The following EPM2AIP1 variants were observed in gnomAD, a reference collection of about 807,000 sequenced individuals.
The protein encoded by EPM2AIP1 is EPM2A interacting protein 1.
A neutral mutation model predicts 44.8 loss-of-function variants in EPM2AIP1; 23 were observed. The ratio of observed to expected loss-of-function variants is 0.51; its 90% CI spans 0.37 to 0.73. The LOEUF is 0.73. Among genes scored for constraint, EPM2AIP1 ranks in the 30% least tolerant of loss-of-function variants. The probability of loss-of-function intolerance (pLI) is 0.00; values close to 1 mark genes in which losing one functional copy is unlikely to be tolerated. For synonymous variants in EPM2AIP1, 311 were observed against 284.3 expected, an observed-to-expected ratio of 1.09 and a Z score of -0.94; for missense variants, 652 against 743.9, an observed-to-expected ratio of 0.88 and a Z score of 1.44.
rs1302548010 is a variant in EPM2AIP1, at chr3:36,991,355, A to T, written c.1723T>A (p.Leu575Ile). 5 of 1,614,042 alleles carry T rather than the reference A, an allele frequency of 3.1e-6. No individual in the cohort carries two copies. The South Asian group carries it at 5.5e-5, about 18-fold the overall frequency. Residue 575 changes from leucine to isoleucine, a missense_variant, in exon 1 of 1, where the codon TTA (leucine) becomes ATA (isoleucine). Physicochemically the swap from Leu to Ile is conservative, Grantham distance 5. Coordinates refer to ENST00000322716, the MANE Select transcript of EPM2AIP1 (RefSeq NM_014805.4). The part of the protein sequence containing the change: ...TRNQHTLSQP[L>I]TDEHLQALFR... ...AGGGCTTGGAGATGCTCATCTGTTA[A>T]TGGCTGACTCAAAGTGTGTTGGTTT...
Position 36,991,391 on chromosome 3 carries a change from A to G in EPM2AIP1, c.1687T>C (p.Tyr563His). ...SNQICEKAFSYLTRNQHTLSQ... is the reference protein window; with the variant it reads ...SNQICEKAFSHLTRNQHTLSQ... ...AAAGTGTGTTGGTTTCGAGTCAAAT[A>G]TGAAAAAGCCTTTTCACAGATTTGG... The change falls in exon 1 of 1, where the codon TAT (tyrosine) becomes CAT (histidine). Residue 563 changes from tyrosine to histidine, a missense_variant. Tyr to His is a moderately conservative substitution (Grantham distance 83). Coordinates refer to ENST00000322716, the MANE Select transcript of EPM2AIP1 (RefSeq NM_014805.4). The G allele has an allele frequency of 1.9e-6, 3 of 1,614,012 alleles. No individual in the cohort carries two copies. Among genetic ancestry groups the G allele is most frequent in the Non-Finnish European group, 2.5e-6 (3 of 1,179,888 alleles).
rs1229404994 is a variant in EPM2AIP1 at position 36,988,155 on chromosome 3, A to C, written c.*3099T>G. The C allele has an allele frequency of 1.3e-5, 2 of 152,242 alleles. No individual in the cohort carries two copies. The highest frequency in any genetic ancestry group is 1.9e-4 in the East Asian group (1 of 5,198). 9.4% of individuals were successfully genotyped at this position (152,242 alleles called of 1,614,324 possible). A position where few individuals can be genotyped will look rare whatever the true frequency, so the allele number is the denominator to read the frequency against. On this transcript the variant is annotated 3_prime_UTR_variant, in exon 1 of 1. Transcript: ENST00000322716. ...AAATTTGTATTGTACCCTAAGAGCA[A>C]TGGTGAAAGCAATGCAGTGACATGA...
At position 36,992,360 on chromosome 3, in the gene EPM2AIP1, T is replaced by C. The variant is rs772197261; in HGVS notation, c.718A>G (p.Arg240Gly). ...TGGGTCGTGGTCAGTCCAACCATTC[T>C]CTGCAAGCTAAGCCCTGCTGTCTGC... ...SLQTAGLSLQ[R>G]MVGLTTTHTL... is the part of the protein sequence containing the mutation. The change falls in exon 1 of 1, where the codon AGA becomes GGA. Residue 240 changes from arginine (R) to glycine (G), a missense_variant. Transcript: ENST00000322716. The surrounding 1 kb of genome is among the most constrained non-coding windows in gnomAD (Gnocchi z 5.3). 6.2e-6 allele frequency: 10 copies of C among 1,613,980 alleles called. No homozygotes were observed. Among genetic ancestry groups the C allele is most frequent in the Non-Finnish European group, 8.5e-6 (10 of 1,179,892 alleles).
chr3:36,992,179 G>A lies in EPM2AIP1; in HGVS notation c.899C>T (p.Thr300Ile). The A allele has an allele frequency of 6.2e-7, 1 of 1,613,946 alleles. No individual in the cohort carries two copies. Among genetic ancestry groups the A allele is most frequent in the Non-Finnish European group, 8.5e-7 (1 of 1,179,856 alleles). The change falls in exon 1 of 1, where the codon ACC (threonine) becomes ATC (isoleucine). Residue 300 changes from threonine (T) to isoleucine (I), a missense_variant. By Grantham distance (89) the Thr-to-Ile change is moderately conservative. Transcript: ENST00000322716. The surrounding 1 kb of genome is among the most constrained non-coding windows in gnomAD (Gnocchi z 5.3). ...AATCAAAACTATCCATTCGGATATG[G>A]TATTTATGATCTGATTAACATCTAC... ...YDVDVNQIIN[T>I]ISEWIVLIKT...
In EPM2AIP1 at chr3:36,992,547, A is replaced by G; in HGVS notation, c.531T>C (p.Leu177=). 1 of 1,614,038 alleles carries G rather than the reference A, an allele frequency of 6.2e-7. No individual in the cohort carries two copies. The highest frequency in any genetic ancestry group is 8.5e-7 in the Non-Finnish European group (1 of 1,179,894). The stretch of plus-strand genomic sequence containing the variant: ...CCACAAAAGCCTGGTCGTCCAAGGC[A>G]AGAGAATAGGCTTTAAAGTCCCTGG... ...NRARDFKAYS[L]ALDDQAFVAY... Residue 177 remains leucine (L), a synonymous_variant, in exon 1 of 1, where the codon CTT becomes CTC. Coordinates refer to ENST00000322716, the MANE Select transcript of EPM2AIP1 (RefSeq NM_014805.4). This position sits in a 1 kb window ranked among gnomAD's most constrained non-coding sequence, Gnocchi z 5.3.
chr3:36,985,555 C>A lies in EPM2AIP1; in HGVS notation c.*5699G>T, dbSNP rs1282108257. 2 of 152,228 alleles carry A rather than the reference C, an allele frequency of 1.3e-5. No individual in the cohort carries two copies. The highest frequency in any genetic ancestry group is 2.9e-5 in the Non-Finnish European group (2 of 68,042). The allele number at this position is 152,228 out of a possible 1,614,324, so 9.4% of individuals were successfully genotyped here. A position where few individuals can be genotyped will look rare whatever the true frequency, so the allele number is the denominator to read the frequency against. On this transcript the variant is annotated 3_prime_UTR_variant, in exon 1 of 1. Transcript: ENST00000322716. ...CTCCCAGGTATATGCAAGGATCACA[C>A]TCCTCCTAGAACTTTAATGTGGCTA...
rs2125687306 is a variant in EPM2AIP1, at chr3:36,987,464, A to G, written c.*3790T>C. ...AAAAAAATATATATATATATATGAC[A>G]CTGTTTACAAAGGGTAAAAAAAAAT... On this transcript the variant is annotated 3_prime_UTR_variant, in exon 1 of 1. Coordinates refer to ENST00000322716, the MANE Select transcript of EPM2AIP1 (RefSeq NM_014805.4). 1 of 147,754 alleles carries G rather than the reference A, an allele frequency of 6.8e-6. No homozygotes were observed. The highest frequency in any genetic ancestry group is 2.5e-5 in the African/African-American group (1 of 40,670). 9.2% of individuals were successfully genotyped at this position (147,754 alleles called of 1,614,324 possible). A position where few individuals can be genotyped will look rare whatever the true frequency, so the allele number is the denominator to read the frequency against.
rs2080778173 is a variant in EPM2AIP1, at chr3:36,987,717, A to C, written c.*3537T>G. 6.6e-6 allele frequency: 1 copy of C among 152,196 alleles called. No individual in the cohort carries two copies. Among genetic ancestry groups the C allele is most frequent in the African/African-American group, 2.4e-5 (1 of 41,458 alleles). 9.4% of individuals were successfully genotyped at this position (152,196 alleles called of 1,614,324 possible). A position where few individuals can be genotyped will look rare whatever the true frequency, so the allele number is the denominator to read the frequency against. Reference sequence around the variant, plus strand: ...TACACTAAATTCTGAGAATACAACGAGGTCCCTAGTTACAAAGAACTTGTC... The same window carrying C: ...TACACTAAATTCTGAGAATACAACGCGGTCCCTAGTTACAAAGAACTTGTC... On this transcript the variant is annotated 3_prime_UTR_variant, in exon 1 of 1. Transcript: ENST00000322716.
rs1186813443 is a variant in EPM2AIP1, at chr3:36,987,834, A to G, written c.*3420T>C. 1 of 152,262 alleles carries G rather than the reference A, an allele frequency of 6.6e-6. No individual in the cohort carries two copies. The highest frequency in any genetic ancestry group is 1.5e-5 in the Non-Finnish European group (1 of 68,040). 9.4% of individuals were successfully genotyped at this position (152,262 alleles called of 1,614,324 possible). On this transcript the variant is annotated 3_prime_UTR_variant, in exon 1 of 1. Transcript: ENST00000322716. ...TGAAGGTCAAATAAGACTGTGAAAG[A>G]GCTTCAAAAATTGTAAAACACTACA...
At position 36,987,041 on chromosome 3, in the gene EPM2AIP1, G is replaced by A. The variant is rs2080773413; in HGVS notation, c.*4213C>T. 1 of 152,530 alleles carries A rather than the reference G, an allele frequency of 6.6e-6. No individual in the cohort carries two copies. Among genetic ancestry groups the A allele is most frequent in the African/African-American group, 2.4e-5 (1 of 41,434 alleles). The allele number at this position is 152,530 out of a possible 1,614,324, so 9.4% of individuals were successfully genotyped here. On this transcript the variant is annotated 3_prime_UTR_variant, in exon 1 of 1. Transcript: ENST00000322716. Reference sequence around the variant, plus strand: ...AGAGGCATGGGAACAAGAAGGCAAAGGAATACAGCAAACTTTAGAAGTATA... The same window carrying A: ...AGAGGCATGGGAACAAGAAGGCAAAAGAATACAGCAAACTTTAGAAGTATA...
Position 36,992,371 on chromosome 3 carries a change from A to G in EPM2AIP1, c.707T>C (p.Leu236Pro), listed in dbSNP as rs2080827369. ...CAGTCCAACCATTCTCTGCAAGCTAAGCCCTGCTGTCTGCAGGGACTCTAG... is the reference window on the plus strand; with the variant it reads ...CAGTCCAACCATTCTCTGCAAGCTAGGCCCTGCTGTCTGCAGGGACTCTAG... ...AILESLQTAG[L>P]SLQRMVGLTT... The change falls in exon 1 of 1, where the codon CTT (leucine) becomes CCT (proline). Residue 236 changes from leucine (L) to proline (P), a missense_variant. Transcript: ENST00000322716. This position sits in a 1 kb window ranked among gnomAD's most constrained non-coding sequence, Gnocchi z 5.3. 1 of 1,613,864 alleles carries G rather than the reference A, an allele frequency of 6.2e-7. No individual in the cohort carries two copies. The highest frequency in any genetic ancestry group is 8.5e-7 in the Non-Finnish European group (1 of 1,179,896).
At position 36,991,388 on chromosome 3, in the gene EPM2AIP1, A is replaced by G; in HGVS notation, c.1690T>C (p.Leu564=). The G allele has an allele frequency of 6.2e-7, 1 of 1,614,022 alleles. No individual in the cohort carries two copies. The highest frequency in any genetic ancestry group is 8.5e-7 in the Non-Finnish European group (1 of 1,179,894). Reference sequence around the variant, plus strand: ...CTCAAAGTGTGTTGGTTTCGAGTCAAATATGAAAAAGCCTTTTCACAGATT... The same window carrying G: ...CTCAAAGTGTGTTGGTTTCGAGTCAGATATGAAAAAGCCTTTTCACAGATT... ...NQICEKAFSY[L]TRNQHTLSQP... Residue 564 remains leucine (L), a synonymous_variant, in exon 1 of 1, where the codon TTG becomes CTG. Coordinates refer to ENST00000322716, the MANE Select transcript of EPM2AIP1 (RefSeq NM_014805.4).
At position 36,993,126 on chromosome 3, in the gene EPM2AIP1, GGA is replaced by G; in HGVS notation, c.-51_-50del. On this transcript the variant is annotated 5_prime_UTR_variant, in exon 1 of 1. Transcript: ENST00000322716. ...GGCCAACGTTAGAAAGGCCGCAAGG[GGA>G]GAGGAGGAGCCTGAGAAGCGCCAAG... 6.5e-7 allele frequency: 1 copy of G among 1,547,800 alleles called. No individual in the cohort carries two copies. Among genetic ancestry groups the G allele is most frequent in the Non-Finnish European group, 8.7e-7 (1 of 1,146,250 alleles).
At position 36,987,654 on chromosome 3, in the gene EPM2AIP1, C is replaced by G. The variant is rs1417961498; in HGVS notation, c.*3600G>C. The G allele has an allele frequency of 6.6e-6, 1 of 152,112 alleles. No individual in the cohort carries two copies. The highest frequency in any genetic ancestry group is 1.5e-5 in the Non-Finnish European group (1 of 68,014). The allele number at this position is 152,112 out of a possible 1,614,324, so 9.4% of individuals were successfully genotyped here. On this transcript the variant is annotated 3_prime_UTR_variant, in exon 1 of 1. Transcript: ENST00000322716. ...ACAGAGAAAACCACAATTTGTTTAA[C>G]AGTCACATAATACATATTTAAGTCA...
rs2080776802 is a variant in EPM2AIP1 at position 36,987,509 on chromosome 3, T to C, written c.*3745A>G. ...AAAAATAAGATTCTATACATGGATA[T>C]GCAAACTTAATATTACATAGTGGAT... On this transcript the variant is annotated 3_prime_UTR_variant, in exon 1 of 1. Transcript: ENST00000322716. The C allele has an allele frequency of 6.6e-6, 1 of 151,516 alleles. No individual in the cohort carries two copies. The highest frequency in any genetic ancestry group is 1.5e-5 in the Non-Finnish European group (1 of 67,874). The allele number at this position is 151,516 out of a possible 1,614,324, so 9.4% of individuals were successfully genotyped here. A position where few individuals can be genotyped will look rare whatever the true frequency, so the allele number is the denominator to read the frequency against.
Position 36,990,937 on chromosome 3 carries a change from T to C in EPM2AIP1, c.*317A>G. Reference sequence around the variant, plus strand: ...AGAGCTGAAATTTTTGGCATTTATCTTCAGAACACCTAAAAAACAGACTGC... The same window carrying C: ...AGAGCTGAAATTTTTGGCATTTATCCTCAGAACACCTAAAAAACAGACTGC... On this transcript the variant is annotated 3_prime_UTR_variant, in exon 1 of 1. Coordinates refer to ENST00000322716, the MANE Select transcript of EPM2AIP1 (RefSeq NM_014805.4). The C allele has an allele frequency of 9.8e-7, 1 of 1,024,694 alleles. No homozygotes were observed. The highest frequency in any genetic ancestry group is 1.2e-6 in the Non-Finnish European group (1 of 855,274). The allele number at this position is 1,024,694 out of a possible 1,614,324, so 63.5% of individuals were successfully genotyped here. A position where few individuals can be genotyped will look rare whatever the true frequency, so the allele number is the denominator to read the frequency against.
rs1575366001 is a variant in EPM2AIP1, at chr3:36,991,138, A to G, written c.*116T>C. 2 of 1,438,644 alleles carry G rather than the reference A, an allele frequency of 1.4e-6. No individual in the cohort carries two copies. Among genetic ancestry groups the G allele is most frequent in the East Asian group, 4.7e-5 (2 of 43,008 alleles). 89.1% of individuals were successfully genotyped at this position (1,438,644 alleles called of 1,614,324 possible). On this transcript the variant is annotated 3_prime_UTR_variant, in exon 1 of 1. Coordinates refer to ENST00000322716, the MANE Select transcript of EPM2AIP1 (RefSeq NM_014805.4). ...AGAATTTTAATTGTGATCAGTTTGG[A>G]CGGCTGGTACTTGGTACTTTCTCAC...
rs1220326098 is a variant in EPM2AIP1, at chr3:36,990,880, A to G, written c.*374T>C. The G allele has an allele frequency of 2.0e-6, 2 of 995,214 alleles. No homozygotes were observed. Among genetic ancestry groups the G allele is most frequent in the African/African-American group, 3.5e-5 (2 of 57,544 alleles). The allele number at this position is 995,214 out of a possible 1,614,324, so 61.6% of individuals were successfully genotyped here. ...TAAGGAGTTGATAATTTAAGACTAT[A>G]TGAATCAGAATTTTAACACTCCATT... On this transcript the variant is annotated 3_prime_UTR_variant, in exon 1 of 1. Transcript: ENST00000322716.
In EPM2AIP1 at chr3:36,988,846, T is replaced by C. The variant is rs1412064851; in HGVS notation, c.*2408A>G. 9.9e-5 allele frequency: 15 copies of C among 152,188 alleles called. No individual in the cohort carries two copies. The East Asian group carries it at 2.9e-3, about 29-fold the overall frequency. The allele number at this position is 152,188 out of a possible 1,614,324, so 9.4% of individuals were successfully genotyped here. ...TAACTGGTAAGGACCTAATAATTTTTTTTTTAATGTACGTATTTTAACTAT... is the reference window on the plus strand; with the variant it reads ...TAACTGGTAAGGACCTAATAATTTTCTTTTTAATGTACGTATTTTAACTAT... On this transcript the variant is annotated 3_prime_UTR_variant, in exon 1 of 1. Transcript: ENST00000322716.
Sources: gnomAD v4.1 joint callset for allele counts on GRCh38, gnomAD v4.1.1 for gene constraint, Gnocchi (gnomAD v3.1) non-coding constraint, MANE v1.5 for transcripts, NCBI Gene and HGNC (gene_info 2026-07-23, HGNC 2026-07-21) for gene names.